ZDHHC13: variants seen among roughly 807,000 people sequenced by gnomAD.
The protein encoded by ZDHHC13 is palmitoyltransferase ZDHHC13.
In ZDHHC13, 85 loss-of-function variants were observed where a neutral mutation model predicts 86.0. The ratio of observed to expected loss-of-function variants is 0.99; its 90% CI spans 0.83 to 1.18. The LOEUF (loss-of-function observed/expected upper bound fraction) is 1.18, where lower values mean the gene tolerates loss of function less well. ZDHHC13 is among the 50% of genes most tolerant of loss of function. ZDHHC13 has a pLI of 0.00. For synonymous variants in ZDHHC13, 263 were observed against 246.4 expected (o/e 1.07, Z -0.63); for missense variants, 711 against 730.2 (o/e 0.97, Z 0.30).
intron 1 of ZDHHC13, among the ~76,000 whole-genome samples, chr11:19,128,900 C>A (rs1848931647): frequency 6.6e-6 from 1 of 152,184 alleles, no homozygotes. Flanking sequence ...TGATGTTGAT[C>A]AGAGCAGTAG....
Position 19,117,722 on chromosome 11 carries a change from AC to A in ZDHHC13, c.27+449del, listed in dbSNP as rs1265881897. On this transcript the variant is annotated intron_variant, in intron 1 of 16. Coordinates refer to ENST00000446113, the MANE Select transcript of ZDHHC13 (RefSeq NM_019028.3). This position sits in a 1 kb window ranked among gnomAD's most constrained non-coding sequence, Gnocchi z 4.2. ...GCGTCTTAGCACCCGCCTTCACCCC[AC>A]CCAGTCCAGTTTTCGCTCCTGTTTC... is the stretch of plus-strand genomic sequence containing the variant. 1.8e-5 allele frequency: 3 copies of A among 165,758 alleles called. No individual in the cohort carries two copies. Among genetic ancestry groups the A allele is most frequent in the Non-Finnish European group, 3.9e-5 (3 of 77,548 alleles). 10.3% of individuals were successfully genotyped at this position (165,758 alleles called of 1,614,324 possible).
At position 19,152,600 on chromosome 11, in the gene ZDHHC13, G is replaced by C. The variant is rs1428571957; in HGVS notation, c.789G>C (p.Gln263His). 1.9e-6 allele frequency: 3 copies of C among 1,613,024 alleles called. No homozygotes were observed. Among genetic ancestry groups the C allele is most frequent in the Non-Finnish European group, 2.5e-6 (3 of 1,179,396 alleles). The change falls in exon 8 of 17, where the codon CAG becomes CAC. Residue 263 changes from glutamine to histidine, a missense_variant. Gln to His is a conservative substitution (Grantham distance 24, BLOSUM62 0). Transcript: ENST00000446113. ...ATATGGCTCTACAAAACAAAAATCAGCTCATTATTCATATGCTAAAAACAG... is the reference window on the plus strand; with the variant it reads ...ATATGGCTCTACAAAACAAAAATCACCTCATTATTCATATGCTAAAAACAG... Reference protein sequence around the residue: ...PLDMALQNKNQLIIHMLKTEA... With the variant: ...PLDMALQNKNHLIIHMLKTEA...
intron 14 of ZDHHC13, chr11:19,170,131 A>G (rs754484994): frequency 7.6e-5 from 94 of 1,243,350 alleles, no homozygotes; most frequent in Non-Finnish European, 8.1e-5. Flanking sequence ...TCTTATGCTG[A>G]ATGCTGATTT....
At chr11:19,158,442 T>C (rs571378246) in intron 9 of ZDHHC13, among the ~76,000 whole-genome samples, 3 of 152,158 alleles carry the variant, frequency 2.0e-5, no homozygotes, top group Admixed American at 2.0e-4. Flanking sequence ...AAGTGTCTAC[T>C]TCTCAAGCTG....
At chr11:19,165,490 G>C (rs1025560573) in intron 13 of ZDHHC13, among the ~76,000 whole-genome samples, 1 of 152,160 alleles carries the variant, frequency 6.6e-6, no homozygotes, top group Admixed American at 6.5e-5. Flanking sequence ...TCCTTCTGCC[G>C]GGTTTTGCTG....
chr11:19,170,697 C>A, intron 15 of ZDHHC13, 129 bp downstream of exon 15: 1 of 910,694 alleles, frequency 1.1e-6, no homozygotes, highest in Non-Finnish European at 1.6e-6. Flanking sequence ...TGGGTCTAGC[C>A]ATGTCATTTA....
intron 8 of ZDHHC13, among the ~76,000 whole-genome samples, chr11:19,153,815 C>A (rs1437732349): frequency 6.6e-6 from 1 of 152,058 alleles, no homozygotes; most frequent in African/African-American, 2.4e-5. Flanking sequence ...GCCAAGCCTT[C>A]CCCATCTCAG....
chr11:19,122,631 C>T (rs1234341777), intron 1 of ZDHHC13, among the ~76,000 whole-genome samples: 1 of 152,118 alleles, frequency 6.6e-6, no homozygotes, highest in Non-Finnish European at 1.5e-5. Context: ...TAAGGAGTGA[C>T]CTGCTTGGCA....
chr11:19,129,881 A>G (rs914852256), intron 1 of ZDHHC13, among the ~76,000 whole-genome samples: 9 of 152,132 alleles, frequency 5.9e-5, no homozygotes, highest in African/African-American at 9.7e-5. Context: ...TCATGAGGTC[A>G]GGAGATCGAG....
At chr11:19,169,106 A>C in intron 14 of ZDHHC13, 10 of 985,482 alleles carry the variant, frequency 1.0e-5, no homozygotes, top group Non-Finnish European at 1.2e-5. Flanking sequence ...CAGTATTCTG[A>C]AAACTTCAGT....
Position 19,174,248 on chromosome 11 carries a change from G to A in ZDHHC13, c.1730+1428G>A, listed in dbSNP as rs148872872. ...AGATTTCATCATGCTCCGCAGAACG[G>A]CATGCAAGTTAAAGCTTACTAATTG... On this transcript the variant is annotated intron_variant, in intron 16 of 16. Transcript: ENST00000446113. Among the ~76,000 whole-genome samples, 350 of 152,306 alleles carry A rather than the reference G, an allele frequency of 2.3e-3. 4 individuals are homozygous for A. The highest frequency in any genetic ancestry group is 7.8e-3 in the African/African-American group (324 of 41,568).
intron 13 of ZDHHC13, among the ~76,000 whole-genome samples, chr11:19,165,663 G>A (rs1850044978): frequency 6.6e-6 from 1 of 152,186 alleles, no homozygotes; most frequent in Non-Finnish European, 1.5e-5. Context: ...TTCTCAGATT[G>A]TGGGTTGCCA....
chr11:19,172,822 T>G lies in ZDHHC13; in HGVS notation c.1730+2T>G. On this transcript the variant is annotated splice_donor_variant, in intron 16 of 16. Transcript: ENST00000446113. LOFTEE classifies it high-confidence loss of function. The stretch of plus-strand genomic sequence containing the variant: ...GTCCCTCAGGAAGACACCATACAAG[T>G]AAGCGAGACCTGTTTTGGATGCTGA... 1.9e-6 allele frequency: 3 copies of G among 1,593,470 alleles called. No individual in the cohort carries two copies. Among genetic ancestry groups the G allele is most frequent in the Non-Finnish European group, 2.6e-6 (3 of 1,170,410 alleles).
chr11:19,135,207 G>A (rs1311080666), intron 1 of ZDHHC13, among the ~76,000 whole-genome samples: 1 of 152,222 alleles, frequency 6.6e-6, no homozygotes, highest in Non-Finnish European at 1.5e-5. Context: ...ACAGGTCAGT[G>A]GGTGCACGCA....
chr11:19,145,844 G>T (rs1849449649), intron 2 of ZDHHC13, among the ~76,000 whole-genome samples: 1 of 152,164 alleles, frequency 6.6e-6, no homozygotes, highest in African/African-American at 2.4e-5. Flanking sequence ...GTTTGATTCA[G>T]GGGTAAGATT....
At chr11:19,118,510 G>A (rs1316529442) in intron 1 of ZDHHC13, among the ~76,000 whole-genome samples, 4 of 123,448 alleles carry the variant, frequency 3.2e-5, no homozygotes, top group African/African-American at 1.0e-4. Flanking sequence ...AAGAAAAGTT[G>A]GTAGGAGTAA....
At chr11:19,161,774 A>T (rs978773083) in intron 10 of ZDHHC13, among the ~76,000 whole-genome samples, 1 of 152,178 alleles carries the variant, frequency 6.6e-6, no homozygotes, top group Non-Finnish European at 1.5e-5. Context: ...TCAGTTATAC[A>T]AGTGCATGTT....
intron 1 of ZDHHC13, among the ~76,000 whole-genome samples, chr11:19,136,983 C>A (rs1382417011): frequency 6.6e-6 from 1 of 151,976 alleles, no homozygotes; most frequent in African/African-American, 2.4e-5. Flanking sequence ...TAAAGACCAT[C>A]GAGACTAGGA....
Position 19,175,943 on chromosome 11 carries a change from G to A in ZDHHC13, c.1852G>A (p.Val618Ile). The A allele has an allele frequency of 1.2e-6, 2 of 1,609,436 alleles. No homozygotes were observed. The highest frequency in any genetic ancestry group is 1.7e-5 in the Admixed American group (1 of 59,020). ...TMVFHPAREK[V>I]LRSV ...GGTCTTTCACCCAGCCAGGGAGAAG[G>A]TTCTTCGCTCAGTATGAAGAAAAGC... is the stretch of plus-strand genomic sequence containing the variant. The change falls in exon 17 of 17, where the codon GTT becomes ATT. Residue 618 changes from valine (V) to isoleucine (I), a missense_variant. By Grantham distance (29) the Val-to-Ile change is conservative. Transcript: ENST00000446113.
Sources: gnomAD v4.1 joint callset for allele counts (sites outside exome capture counted in the v4.1 genomes callset) on GRCh38, gnomAD v4.1.1 for gene constraint, Gnocchi (gnomAD v3.1) non-coding constraint, MANE v1.5 for transcripts, NCBI Gene and HGNC (gene_info 2026-07-23, HGNC 2026-07-21) for gene names.